LATS2: variants seen among roughly 807,000 people sequenced by gnomAD.
LATS2 encodes the protein serine/threonine-protein kinase LATS2.
LATS2 carries 24 observed loss-of-function variants against 76.0 expected under a neutral mutation model. The observed-to-expected ratio is 0.32, with a 90% CI of 0.23 to 0.44. The LOEUF (loss-of-function observed/expected upper bound fraction) is 0.44, where lower values mean the gene tolerates loss of function less well. Among genes scored for constraint, LATS2 ranks in the 20% least tolerant of loss-of-function variants. The pLI is 1.00. For synonymous variants in LATS2, 692 were observed against 635.4 expected (o/e 1.09, Z -1.34); for missense variants, 1,286 against 1,481.2 (o/e 0.87, Z 2.16).
At chr13:20,976,572 A>G (rs565400614) in intron 7 of LATS2, among the ~76,000 whole-genome samples, 20 of 152,342 alleles carry the variant, frequency 1.3e-4, no homozygotes, top group African/African-American at 4.6e-4. Context: ...GAGAAAATAC[A>G]GAACTCCTAC....
At chr13:21,013,341 A>C (rs1871673494) in intron 2 of LATS2, among the ~76,000 whole-genome samples, 3 of 152,216 alleles carry the variant, frequency 2.0e-5, no homozygotes, top group African/African-American at 7.2e-5. Context: ...GCCTAATAAT[A>C]ATCTCATTTC....
At chr13:21,021,801 C>G (rs1191947227) in intron 2 of LATS2, among the ~76,000 whole-genome samples, 1 of 152,254 alleles carries the variant, frequency 6.6e-6, no homozygotes, top group East Asian at 1.9e-4. Flanking sequence ...GGGGTCCACA[C>G]TGCAGTTATG....
At position 20,975,687 on chromosome 13, in the gene LATS2, T is replaced by C. The variant is rs1378274302; in HGVS notation, c.2773-323A>G. On this transcript the variant is annotated intron_variant, in intron 7 of 7. Coordinates refer to ENST00000382592, the MANE Select transcript of LATS2 (RefSeq NM_014572.3). ...AATGATGGTCTACAAGTTCTTTCTT[T>C]CTTTTTATTTTTTTGAGATGGAGTC... 2.6e-5 allele frequency among the ~76,000 whole-genome samples: 4 copies of C among 152,210 alleles called. No homozygotes were observed. In the South Asian group the frequency reaches 8.3e-4, roughly 31 times the overall value.
Position 20,988,713 on chromosome 13 carries a change from T to A in LATS2, c.1067A>T (p.Asn356Ile), listed in dbSNP as rs1261195276. ...GCTGCCCAATTCATACAGGTCCACG[T>A]TGAGGCTGTTCCGCGAGGGAGTGAG... ...SLLTPSRNSL[N>I]VDLYELGSTS... Residue 356 changes from asparagine to isoleucine, a missense_variant, in exon 4 of 8, where the codon AAC (asparagine) becomes ATC (isoleucine). By Grantham distance (149) the Asn-to-Ile change is moderately radical. Transcript: ENST00000382592. 1 of 1,566,840 alleles carries A rather than the reference T, an allele frequency of 6.4e-7. No individual in the cohort carries two copies. Among genetic ancestry groups the A allele is most frequent in the East Asian group, 2.3e-5 (1 of 44,372 alleles).
intron 1 of LATS2, among the ~76,000 whole-genome samples, chr13:21,051,046 C>A (rs1005213941): frequency 1.3e-5 from 2 of 152,228 alleles, no homozygotes; most frequent in African/African-American, 4.8e-5. Context: ...GAAGGGTGAT[C>A]ATGTCTGCCC....
chr13:21,026,206 T>C (rs1044602552), intron 2 of LATS2, among the ~76,000 whole-genome samples: 4 of 152,138 alleles, frequency 2.6e-5, no homozygotes, highest in Non-Finnish European at 5.9e-5. Context: ...AAAATCACCA[T>C]CACACCAAAG....
intron 2 of LATS2, among the ~76,000 whole-genome samples, chr13:21,030,578 A>C (rs1463456766): frequency 1.1e-4 from 14 of 133,110 alleles, no homozygotes; most frequent in African/African-American, 3.6e-4. Flanking sequence ...GACAAGAGTG[A>C]GAGACTCCGT....
chr13:20,988,349 G>A lies in LATS2; in HGVS notation c.1431C>T (p.Pro477=), dbSNP rs756616768. Residue 477 remains proline, a synonymous_variant, in exon 4 of 8, where the codon CCC becomes CCT. Coordinates refer to ENST00000382592, the MANE Select transcript of LATS2 (RefSeq NM_014572.3). ...CGTCCAAGCCCTCCGCAGCCGGGGC[G>A]GGGGCGGGGGCGGGGGCCGGGGCAG... ...PAPAPAPAPA[P]APAAEGLDAK... The A allele has an allele frequency of 1.2e-5, 16 of 1,355,732 alleles. No homozygotes were observed. Among genetic ancestry groups the A allele is most frequent in the Middle Eastern group, 5.5e-4 (2 of 3,656 alleles). 84.0% of individuals were successfully genotyped at this position (1,355,732 alleles called of 1,614,324 possible).
At chr13:21,003,444 C>CTT (rs60233146) in intron 2 of LATS2, among the ~76,000 whole-genome samples, 3 of 142,632 alleles carry the variant, frequency 2.1e-5, no homozygotes, top group African/African-American at 5.2e-5. Context: ...CTTTTTTTTC[C>CTT]TTTTTTTTTT....
intron 2 of LATS2, among the ~76,000 whole-genome samples, chr13:21,036,737 C>T (rs1052390314): frequency 1.8e-4 from 28 of 152,160 alleles, no homozygotes; most frequent in Non-Finnish European, 4.0e-4. Flanking sequence ...GGCACCACTG[C>T]ACTCCAGCCT....
intron 2 of LATS2, among the ~76,000 whole-genome samples, chr13:20,993,389 C>T (rs1870593974): frequency 6.6e-6 from 1 of 152,204 alleles, no homozygotes; most frequent in Non-Finnish European, 1.5e-5. Flanking sequence ...TCAAGCTTTC[C>T]AGTCCTGGCC....
At chr13:21,043,984 G>C (rs527312087) in intron 2 of LATS2, among the ~76,000 whole-genome samples, 1 of 152,170 alleles carries the variant, frequency 6.6e-6, no homozygotes, top group Non-Finnish European at 1.5e-5. Flanking sequence ...TTTCAAAACT[G>C]CTGGGTTCTG....
chr13:20,979,122 C>G (rs1156694893), intron 7 of LATS2, among the ~76,000 whole-genome samples: 1 of 152,208 alleles, frequency 6.6e-6, no homozygotes, highest in Non-Finnish European at 1.5e-5. Context: ...CCAGCATTTT[C>G]TGTTCTCTAG....
chr13:21,013,885 C>T (rs527346510), intron 2 of LATS2, among the ~76,000 whole-genome samples: 3 of 152,166 alleles, frequency 2.0e-5, no homozygotes, highest in African/African-American at 2.4e-5. Context: ...ATGGGAGGAT[C>T]GCTTGAGCCC....
rs373643179 is a variant in LATS2, at chr13:21,052,293, C to G, written c.-204-6063G>C. 3.3e-5 allele frequency among the ~76,000 whole-genome samples: 5 copies of G among 152,182 alleles called. No individual in the cohort carries two copies. In the East Asian group the frequency reaches 5.8e-4, roughly 18 times the overall value. ...TTAATGAGGCCAGGAGATAAGACCA[C>G]GGAAAAATTACCAAACTGAACACAG... On this transcript the variant is annotated intron_variant, in intron 1 of 7. Transcript: ENST00000382592.
At chr13:20,995,450 T>G (rs1550633) in intron 2 of LATS2, among the ~76,000 whole-genome samples, 127,365 of 152,196 alleles carry the variant, frequency 0.84, 53,875 homozygotes, top group East Asian at 1. Context: ...AAGCAAGAGT[T>G]CAGCTGCAAG....
At chr13:20,987,825 A>G in intron 4 of LATS2, 56 bp downstream of exon 4, 1 of 1,569,874 alleles carries the variant, frequency 6.4e-7, no homozygotes, top group Non-Finnish European at 8.7e-7. Flanking sequence ...CGTGCTTCCT[A>G]TTGCCAGTAG....
At chr13:21,029,766 G>A (rs532224966) in intron 2 of LATS2, among the ~76,000 whole-genome samples, 1 of 152,176 alleles carries the variant, frequency 6.6e-6, no homozygotes, top group East Asian at 1.9e-4. Flanking sequence ...ACTGTGGCCT[G>A]GGCAACAGAG....
intron 2 of LATS2, among the ~76,000 whole-genome samples, chr13:21,002,308 T>C (rs1871085582): frequency 6.6e-6 from 1 of 152,144 alleles, no homozygotes; most frequent in Non-Finnish European, 1.5e-5. Context: ...TCTACTTTGC[T>C]GTCTGCTATG....
Sources: gnomAD v4.1 joint callset for allele counts (sites outside exome capture counted in the v4.1 genomes callset) on GRCh38, gnomAD v4.1.1 for gene constraint, MANE v1.5 for transcripts, NCBI Gene and HGNC (gene_info 2026-07-23, HGNC 2026-07-21) for gene names.